Variants in SYCP2 observed in about 807,000 individuals in gnomAD.
SYCP2 encodes the protein synaptonemal complex lateral element protein.
Under a neutral mutation model 211.3 loss-of-function variants are expected in SYCP2, and 55 were observed. That is an observed-to-expected ratio of 0.26 (90% CI 0.21 to 0.33). The LOEUF is 0.33. Ranked by LOEUF, SYCP2 falls within the 10% of genes least tolerant of loss-of-function variation. The pLI, the probability that SYCP2 is intolerant of heterozygous loss-of-function variation, is 1.00. For missense variants in SYCP2, 1,731 were observed against 1,752.0 expected (o/e 0.99, Z 0.21); for synonymous variants, 570 against 555.2 (o/e 1.03, Z -0.37).
At position 59,916,557 on chromosome 20, in the gene SYCP2, C is replaced by T; in HGVS notation, c.442G>A (p.Val148Met). Residue 148 changes from valine (V) to methionine (M), a missense_variant, in exon 8 of 45, where the codon GTG (valine) becomes ATG (methionine). Physicochemically the swap from Val to Met is conservative, Grantham distance 21. Around this residue, in one of 3 missense-constraint regions of SYCP2, gnomAD observed 335 missense variants for 378.8 expected, o/e 0.88. Coordinates refer to ENST00000357552, the MANE Select transcript of SYCP2 (RefSeq NM_014258.4). ...DVSDEGKKQV[V>M]ESFVPRICSL... The stretch of plus-strand genomic sequence containing the variant: ...CAAATGCGAGGTACGAAACTTTCCA[C>T]TACTTGTTTTTTACCTGAATAAAAG... 9 of 1,605,088 alleles carry T rather than the reference C, an allele frequency of 5.6e-6. No individual in the cohort carries two copies. The highest frequency in any genetic ancestry group is 7.7e-6 in the Non-Finnish European group (9 of 1,171,954).
At chr20:59,881,302 C>A (rs766514577) in intron 29 of SYCP2, 135 bp downstream of exon 29, 2 of 609,082 alleles carry the variant, frequency 3.3e-6, no homozygotes, top group Non-Finnish European at 5.7e-6. Flanking sequence ...GTTGAAGTAA[C>A]AGAATCATAA....
intron 2 of SYCP2, among the ~76,000 whole-genome samples, chr20:59,926,241 G>A (rs957265452): frequency 2.0e-5 from 3 of 151,990 alleles, no homozygotes; most frequent in African/African-American, 7.2e-5. Flanking sequence ...TAATTTCCTA[G>A]GGTTGCCTTA....
rs149309940 is a variant in SYCP2 at position 59,880,109 on chromosome 20, A to T, written c.2941+194T>A. Among the ~76,000 whole-genome samples the T allele has an allele frequency of 8.1e-3, 1,227 of 151,326 alleles. 15 individuals carry two copies. The highest frequency in any genetic ancestry group is 0.013 in the Non-Finnish European group (854 of 67,498). ...ATGATAAGTCATAATTTGTGTCCCT[A>T]AGGTCCTATTAAAAATAAATATAAC... is the stretch of plus-strand genomic sequence containing the variant. On this transcript the variant is annotated intron_variant, in intron 31 of 44. Transcript: ENST00000357552.
intron 3 of SYCP2, among the ~76,000 whole-genome samples, chr20:59,921,764 T>C (rs1462350929): frequency 6.6e-6 from 1 of 151,404 alleles, no homozygotes; most frequent in African/African-American, 2.4e-5. Flanking sequence ...AATTTTAAAG[T>C]AACGAACACT....
chr20:59,867,031 A>AG (rs1267971643), intron 39 of SYCP2, among the ~76,000 whole-genome samples: 1 of 143,854 alleles, frequency 7.0e-6, no homozygotes, highest in Non-Finnish European at 1.5e-5. Flanking sequence ...AAAAAAAAAA[A>AG]AAAAGAAACA....
chr20:59,927,552 A>G (rs2060656672), intron 2 of SYCP2, among the ~76,000 whole-genome samples: 1 of 152,098 alleles, frequency 6.6e-6, no homozygotes, highest in Admixed American at 6.6e-5. Context: ...CAAAGAGAAT[A>G]CCCAAAAGAA....
chr20:59,911,279 G>C (rs770773641), intron 14 of SYCP2, among the ~76,000 whole-genome samples: 9 of 152,244 alleles, frequency 5.9e-5, no homozygotes, highest in Non-Finnish European at 1.2e-4. Flanking sequence ...TCTGAGCACA[G>C]CTATGATAAA....
chr20:59,882,676 CA>C (rs1183936467), intron 26 of SYCP2, among the ~76,000 whole-genome samples: 1 of 151,980 alleles, frequency 6.6e-6, no homozygotes, highest in Non-Finnish European at 1.5e-5. Context: ...ATAAGCCAAA[CA>C]CAGAAAGACA....
At chr20:59,910,896 T>C (rs2060309700) in intron 14 of SYCP2, among the ~76,000 whole-genome samples, 1 of 152,000 alleles carries the variant, frequency 6.6e-6, no homozygotes, top group Admixed American at 6.6e-5. Flanking sequence ...GAAGCAGTGC[T>C]AGTCATTGGA....
At chr20:59,887,577 T>C (rs1600861952) in intron 24 of SYCP2, among the ~76,000 whole-genome samples, 5 of 152,230 alleles carry the variant, frequency 3.3e-5, no homozygotes, top group African/African-American at 1.2e-4. Flanking sequence ...TGCCACACTG[T>C]CTTCCACAAT....
At chr20:59,878,361 C>CTCAT (rs1362208398) in intron 31 of SYCP2, among the ~76,000 whole-genome samples, 5 of 152,102 alleles carry the variant, frequency 3.3e-5, no homozygotes, top group African/African-American at 1.2e-4. Flanking sequence ...CATTTTTAAA[C>CTCAT]TCATTCAAAA....
Position 59,916,412 on chromosome 20 carries a change from T to C in SYCP2, c.513+74A>G, listed in dbSNP as rs2060443735. ...GTAATTTTGTCCTACATGAAATAAA[T>C]TGTCAATTTAATTGCTATTGATTTT... On this transcript the variant is annotated intron_variant, in intron 8 of 44. Coordinates refer to ENST00000357552, the MANE Select transcript of SYCP2 (RefSeq NM_014258.4). The C allele has an allele frequency of 6.1e-6, 5 of 823,628 alleles. 1 individual carries two copies. Among genetic ancestry groups the C allele is most frequent in the South Asian group, 4.6e-5 (3 of 64,592 alleles). 51.0% of individuals were successfully genotyped at this position (823,628 alleles called of 1,614,324 possible). A position where few individuals can be genotyped will look rare whatever the true frequency, so the allele number is the denominator to read the frequency against.
intron 39 of SYCP2, among the ~76,000 whole-genome samples, 163 bp downstream of exon 39, chr20:59,867,548 C>T (rs915552058): frequency 2.0e-5 from 3 of 150,782 alleles, no homozygotes; most frequent in East Asian, 1.9e-4. Flanking sequence ...AGAAAGAATA[C>T]GGGTAATATA....
chr20:59,869,753 C>A (rs775100571), intron 36 of SYCP2, 45 bp downstream of exon 36: 3 of 1,180,384 alleles, frequency 2.5e-6, no homozygotes, highest in Non-Finnish European at 3.6e-6. Context: ...TTATAAGAAC[C>A]ATCTTAGTGT....
rs1218140168 is a variant in SYCP2 at position 59,881,606 on chromosome 20, ATTAACT to A, written c.2659-120_2659-115del. 3 of 563,218 alleles carry A rather than the reference ATTAACT, an allele frequency of 5.3e-6. No individual in the cohort carries two copies. In the African/African-American group the frequency reaches 6.0e-5, roughly 11 times the overall value. 34.9% of individuals were successfully genotyped at this position (563,218 alleles called of 1,614,324 possible). A position where few individuals can be genotyped will look rare whatever the true frequency, so the allele number is the denominator to read the frequency against. Reference sequence around the variant, plus strand: ...ACAAAATCATAAGATTTGACATAAAATTAACTTTACTACAATATTTGTATTTGAAAA... The same window carrying A: ...ACAAAATCATAAGATTTGACATAAAATTACTACAATATTTGTATTTGAAAA... On this transcript the variant is annotated intron_variant, in intron 28 of 44. Transcript: ENST00000357552.
chr20:59,894,653 C>G (rs1322106160), intron 20 of SYCP2, among the ~76,000 whole-genome samples: 1 of 151,938 alleles, frequency 6.6e-6, no homozygotes, highest in Non-Finnish European at 1.5e-5. Flanking sequence ...TATTCTTAGG[C>G]CTCTCCATTA....
At chr20:59,881,377 G>A (rs1360363140) in intron 29 of SYCP2, 60 bp downstream of exon 29, 1 of 858,090 alleles carries the variant, frequency 1.2e-6, no homozygotes, top group South Asian at 1.7e-5. Context: ...CTAAGACTGG[G>A]AGGAGATATT....
intron 31 of SYCP2, among the ~76,000 whole-genome samples, chr20:59,878,575 GCT>G (rs1400552243): frequency 3.9e-5 from 6 of 152,008 alleles, no homozygotes; most frequent in Non-Finnish European, 8.8e-5. Context: ...ACTTACGTAT[GCT>G]CTCTTATACC....
In SYCP2 at chr20:59,920,931, CTA is replaced by C. The variant is rs1383847902; in HGVS notation, c.168+377_168+378del. Among the ~76,000 whole-genome samples the C allele has an allele frequency of 3.3e-5, 5 of 151,420 alleles. No individual in the cohort carries two copies. In the East Asian group the frequency reaches 7.7e-4, roughly 23 times the overall value. ...AAATTCAAAGTTTGGGGTGATTTTTCTATGTTTTAGTTTTGACAGAAGTAGGC... is the reference window on the plus strand; with the variant it reads ...AAATTCAAAGTTTGGGGTGATTTTTCTGTTTTAGTTTTGACAGAAGTAGGC... On this transcript the variant is annotated intron_variant, in intron 4 of 44. Coordinates refer to ENST00000357552, the MANE Select transcript of SYCP2 (RefSeq NM_014258.4).
Sources: gnomAD v4.1 joint callset for allele counts (sites outside exome capture counted in the v4.1 genomes callset) on GRCh38, gnomAD v4.1.1 for gene constraint, gnomAD v4.1.1 regional missense constraint, MANE v1.5 for transcripts, NCBI Gene and HGNC (gene_info 2026-07-23, HGNC 2026-07-21) for gene names.